Variants in TAF3 observed in about 807,000 individuals in gnomAD.
TAF3 encodes the protein transcription initiation factor TFIID subunit 3.
Under a neutral mutation model 80.6 loss-of-function variants are expected in TAF3, and 7 were observed. That is an observed-to-expected ratio of 0.09 (90% CI 0.05 to 0.16). TAF3 has a LOEUF of 0.16. TAF3 is among the 10% of genes least tolerant of loss of function. TAF3 has a pLI of 1.00. For synonymous variants in TAF3, 444 were observed against 446.1 expected, an observed-to-expected ratio of 1.00 and a Z score of 0.06; for missense variants, 921 against 1,140.2, an observed-to-expected ratio of 0.81 and a Z score of 2.77.
chr10:7,977,638 C>T (rs1274919664), intron 4 of TAF3, among the ~76,000 whole-genome samples: 1 of 152,134 alleles, frequency 6.6e-6, no homozygotes, highest in Non-Finnish European at 1.5e-5. Context: ...ACTGAATGGA[C>T]TTACTGCCAC....
rs563806877 is a variant in TAF3 at position 7,999,873 on chromosome 10, C to A, written c.2316-9205C>A. 8.7e-4 allele frequency among the ~76,000 whole-genome samples: 133 copies of A among 152,324 alleles called. 1 individual carries two copies. The highest frequency in any genetic ancestry group is 1.6e-3 in the Non-Finnish European group (109 of 68,032). On this transcript the variant is annotated intron_variant, in intron 4 of 6. Coordinates refer to ENST00000344293, the MANE Select transcript of TAF3 (RefSeq NM_031923.4). ...ATGATGCACTCAACTTAGACGCACT[C>A]GATTGTGCAGCTCCTTGATCTCACT... is the stretch of plus-strand genomic sequence containing the variant.
Position 8,015,722 on chromosome 10 carries a change from G to A in TAF3, c.*971G>A, listed in dbSNP as rs1832097318. On this transcript the variant is annotated 3_prime_UTR_variant, in exon 7 of 7. Transcript: ENST00000344293. ...CGGAAACATGGTGGGGAAAGGGCCC[G>A]AGCAGTTGGAAGGAAAACAAGGCAA... 1 of 152,072 alleles carries A rather than the reference G, an allele frequency of 6.6e-6. No homozygotes were observed. Among genetic ancestry groups the A allele is most frequent in the African/African-American group, 2.4e-5 (1 of 41,380 alleles). 9.4% of individuals were successfully genotyped at this position (152,072 alleles called of 1,614,324 possible). A position where few individuals can be genotyped will look rare whatever the true frequency, so the allele number is the denominator to read the frequency against.
At chr10:7,849,278 C>G (rs1837002948) in intron 2 of TAF3, among the ~76,000 whole-genome samples, 1 of 151,990 alleles carries the variant, frequency 6.6e-6, no homozygotes, top group African/African-American at 2.4e-5. Flanking sequence ...CAGTCTGACT[C>G]TAAAGAGCTT....
At chr10:7,966,519 C>A (rs562490075) in intron 3 of TAF3, among the ~76,000 whole-genome samples, 1 of 152,276 alleles carries the variant, frequency 6.6e-6, no homozygotes, top group African/African-American at 2.4e-5. Context: ...GCTTTTCAGT[C>A]TGTGGTTTCT....
intron 2 of TAF3, among the ~76,000 whole-genome samples, chr10:7,855,617 C>T (rs1327654501): frequency 1.3e-5 from 2 of 152,120 alleles, no homozygotes; most frequent in Non-Finnish European, 2.9e-5. Context: ...AGTGGAGTCC[C>T]CACTTCCCAA....
intron 2 of TAF3, among the ~76,000 whole-genome samples, chr10:7,918,163 TAATGA>T (rs1356025766): frequency 2.6e-5 from 4 of 152,176 alleles, no homozygotes; most frequent in African/African-American, 7.2e-5. Flanking sequence ...TTGTTTTTAC[TAATGA>T]AATGCGTAAA....
intron 2 of TAF3, among the ~76,000 whole-genome samples, chr10:7,894,067 C>T (rs907053826): frequency 2.0e-5 from 3 of 152,160 alleles, no homozygotes; most frequent in African/African-American, 7.2e-5. Flanking sequence ...TTTATTAGTA[C>T]TAAAATTATC....
At chr10:7,942,293 ATACTTAGGGTAAATATTT>A (rs1250119707) in intron 2 of TAF3, among the ~76,000 whole-genome samples, 1 of 152,220 alleles carries the variant, frequency 6.6e-6, no homozygotes, top group Non-Finnish European at 1.5e-5. Flanking sequence ...ATCTGAAAAG[ATACTTAGGGTAAATATTT>A]TATCAAACAT....
At chr10:7,898,393 A>G (rs957857214) in intron 2 of TAF3, among the ~76,000 whole-genome samples, 4 of 152,064 alleles carry the variant, frequency 2.6e-5, no homozygotes, top group African/African-American at 4.8e-5. Context: ...CAAAAATACA[A>G]AAATTAGCTG....
chr10:7,986,688 T>C (rs960130850), intron 4 of TAF3, among the ~76,000 whole-genome samples: 1 of 152,136 alleles, frequency 6.6e-6, no homozygotes, highest in Non-Finnish European at 1.5e-5. Context: ...GTCTCCTCCT[T>C]GTCTAGACAC....
chr10:7,916,127 G>A (rs1407878876), intron 2 of TAF3, among the ~76,000 whole-genome samples: 1 of 152,162 alleles, frequency 6.6e-6, no homozygotes, highest in African/African-American at 2.4e-5. Flanking sequence ...GTTTGGTTTG[G>A]ATGCTACCCA....
intron 4 of TAF3, among the ~76,000 whole-genome samples, chr10:7,985,048 G>A (rs1831762710): frequency 6.6e-6 from 1 of 152,194 alleles, no homozygotes. Flanking sequence ...GATTGCAGCT[G>A]CATGGTGCAA....
chr10:7,975,929 G>A (rs1473981567), intron 3 of TAF3, among the ~76,000 whole-genome samples: 2 of 152,136 alleles, frequency 1.3e-5, no homozygotes, highest in Non-Finnish European at 2.9e-5. Context: ...TTAAACATCT[G>A]GCAGTGCTTG....
chr10:7,898,641 G>A (rs1837529477), intron 2 of TAF3, among the ~76,000 whole-genome samples: 1 of 151,246 alleles, frequency 6.6e-6, no homozygotes, highest in African/African-American at 2.4e-5. Context: ...TCAGTTGTAA[G>A]ATGTCTGAAG....
chr10:8,014,205 C>G (rs1832082440), intron 6 of TAF3, among the ~76,000 whole-genome samples: 1 of 152,200 alleles, frequency 6.6e-6, no homozygotes. Context: ...GTGGTACAAA[C>G]TGCAGGACTA....
intron 2 of TAF3, among the ~76,000 whole-genome samples, chr10:7,897,009 C>T (rs907289201): frequency 6.6e-6 from 1 of 152,144 alleles, no homozygotes; most frequent in African/African-American, 2.4e-5. Flanking sequence ...CAGAGGCTGC[C>T]GACATTCTTG....
intron 4 of TAF3, among the ~76,000 whole-genome samples, chr10:8,004,357 T>G (rs1159743758): frequency 6.6e-6 from 1 of 152,174 alleles, no homozygotes; most frequent in African/African-American, 2.4e-5. Context: ...CCAGTTTTAT[T>G]TTTAATATGG....
chr10:7,865,845 G>T (rs1169006156), intron 2 of TAF3, among the ~76,000 whole-genome samples: 1 of 152,148 alleles, frequency 6.6e-6, no homozygotes, highest in Non-Finnish European at 1.5e-5. Context: ...CTTCCTTTCT[G>T]CTCCTTCTAG....
At chr10:7,904,057 C>T (rs967221093) in intron 2 of TAF3, among the ~76,000 whole-genome samples, 13 of 151,982 alleles carry the variant, frequency 8.6e-5, no homozygotes, top group African/African-American at 2.7e-4. Context: ...AAACAAGGGC[C>T]GCAGAGGGAA....
Sources: gnomAD v4.1 joint callset for allele counts (sites outside exome capture counted in the v4.1 genomes callset) on GRCh38, gnomAD v4.1.1 for gene constraint, MANE v1.5 for transcripts, NCBI Gene and HGNC (gene_info 2026-07-23, HGNC 2026-07-21) for gene names.